Variants in NCALD observed in about 807,000 individuals in gnomAD.
The protein encoded by NCALD is neurocalcin-delta.
Under a neutral mutation model 18.6 loss-of-function variants are expected in NCALD, and 10 were observed. The observed-to-expected ratio is 0.54, with a 90% CI of 0.33 to 0.91. The LOEUF (loss-of-function observed/expected upper bound fraction) is 0.91. Ranked by LOEUF, NCALD falls within the 40% of genes least tolerant of loss-of-function variation. The pLI, the probability that NCALD is intolerant of heterozygous loss-of-function variation, is 0.03. For missense variants in NCALD, 184 were observed against 247.6 expected (o/e 0.74, Z 1.72); for synonymous variants, 88 against 87.4 (o/e 1.01, Z -0.04).
Position 102,106,801 on chromosome 8 carries a change from G to A in NCALD, c.-210+17436C>T, listed in dbSNP as rs185891784. Among the ~76,000 whole-genome samples the A allele has an allele frequency of 1.9e-3, 282 of 152,230 alleles. 1 individual carries two copies. Among genetic ancestry groups the A allele is most frequent in the Admixed American group, 3.5e-3 (54 of 15,296 alleles). Reference sequence around the variant, plus strand: ...TCTGCAAAAAAATGCAGAGGTTGTGGAATTAGGAGAGTTTCTATAGACCAT... The same window carrying A: ...TCTGCAAAAAAATGCAGAGGTTGTGAAATTAGGAGAGTTTCTATAGACCAT... On this transcript the variant is annotated intron_variant, in intron 1 of 6. Transcript: ENST00000311028.
At chr8:101,976,236 C>T (rs1281904437) in intron 2 of NCALD, among the ~76,000 whole-genome samples, 1 of 152,180 alleles carries the variant, frequency 6.6e-6, no homozygotes, top group Admixed American at 6.5e-5. Context: ...CCCTCACTTT[C>T]ACAAGTCACC....
intron 1 of NCALD, among the ~76,000 whole-genome samples, chr8:101,777,020 C>T (rs984358210): frequency 6.6e-6 from 1 of 152,124 alleles, no homozygotes; most frequent in Non-Finnish European, 1.5e-5. Flanking sequence ...ACAATTTCCA[C>T]CAGTCTCCCC....
chr8:101,944,413 G>A (rs535312823), intron 2 of NCALD, among the ~76,000 whole-genome samples: 7 of 152,228 alleles, frequency 4.6e-5, no homozygotes, highest in African/African-American at 7.2e-5. Context: ...CAAGAAAACA[G>A]AGAGATGCTG....
rs578023877 is a variant in NCALD, at chr8:101,748,405, G to T, written c.-19-28757C>A. On this transcript the variant is annotated intron_variant, in intron 1 of 3. Coordinates refer to ENST00000220931, the MANE Select transcript of NCALD (RefSeq NM_032041.3). Reference sequence around the variant, plus strand: ...GTGGTCTAGGGACCCAAGTTTAAGTGGCTTGATTGTCAGCTCGTTCATCAA... The same window carrying T: ...GTGGTCTAGGGACCCAAGTTTAAGTTGCTTGATTGTCAGCTCGTTCATCAA... 6.2e-4 allele frequency among the ~76,000 whole-genome samples: 94 copies of T among 152,278 alleles called. 1 individual carries two copies. The highest frequency in any genetic ancestry group is 1.0e-4 in the Non-Finnish European group (7 of 68,018).
intron 1 of NCALD, among the ~76,000 whole-genome samples, chr8:102,057,562 CTG>C (rs1451486415): frequency 6.6e-6 from 1 of 152,298 alleles, no homozygotes; most frequent in African/African-American, 2.4e-5. Context: ...TGAAAAATAA[CTG>C]TTTCATTTTA....
intron 2 of NCALD, among the ~76,000 whole-genome samples, chr8:101,992,110 G>C (rs1220880044): frequency 6.6e-6 from 1 of 152,210 alleles, no homozygotes; most frequent in Non-Finnish European, 1.5e-5. Context: ...CATGGGAACT[G>C]ACGCCATCTG....
At chr8:101,927,576 T>C (rs1429094528) in intron 2 of NCALD, among the ~76,000 whole-genome samples, 1 of 151,698 alleles carries the variant, frequency 6.6e-6, no homozygotes, top group Non-Finnish European at 1.5e-5. Context: ...GGCCCAGAGA[T>C]GGGAAAGGGT....
chr8:102,108,609 C>T (rs756762131), intron 1 of NCALD, among the ~76,000 whole-genome samples: 1 of 152,252 alleles, frequency 6.6e-6, no homozygotes, highest in East Asian at 1.9e-4. Flanking sequence ...AGTCTAAGGA[C>T]GATAGCAGGA....
chr8:101,911,351 TTTTTC>T (rs1817790894), intron 3 of NCALD, among the ~76,000 whole-genome samples: 1 of 147,470 alleles, frequency 6.8e-6, no homozygotes, highest in Non-Finnish European at 1.5e-5. Context: ...TCTTTTCTTT[TTTTTC>T]TTTTCTTTTT....
At chr8:101,749,369 AC>A (rs1457805374) in intron 1 of NCALD, among the ~76,000 whole-genome samples, 3 of 152,224 alleles carry the variant, frequency 2.0e-5, no homozygotes, top group African/African-American at 7.2e-5. Flanking sequence ...TTCCCATTCT[AC>A]TTTTTGAATA....
At chr8:101,998,464 G>A (rs1291367450) in intron 2 of NCALD, among the ~76,000 whole-genome samples, 4 of 152,116 alleles carry the variant, frequency 2.6e-5, no homozygotes, top group Non-Finnish European at 5.9e-5. Context: ...GTTTGATGAA[G>A]GGTAGCACCA....
chr8:102,021,488 C>T (rs758442707), intron 1 of NCALD, among the ~76,000 whole-genome samples: 1 of 151,766 alleles, frequency 6.6e-6, no homozygotes, highest in Non-Finnish European at 1.5e-5. Context: ...TGTATGATGC[C>T]CATAAAAAAG....
intron 1 of NCALD, among the ~76,000 whole-genome samples, chr8:102,100,568 CAT>C (rs1825241909): frequency 6.6e-6 from 1 of 152,092 alleles, no homozygotes; most frequent in Admixed American, 6.6e-5. Context: ...CGTCAAGAAA[CAT>C]AAATGCTTGA....
intron 1 of NCALD, among the ~76,000 whole-genome samples, chr8:102,097,260 G>C (rs1406939899): frequency 6.6e-6 from 1 of 152,178 alleles, no homozygotes; most frequent in Non-Finnish European, 1.5e-5. Flanking sequence ...AAAAAAAATA[G>C]TGAAAGACAA....
At chr8:101,696,597 C>A (rs1815005295) in intron 2 of NCALD, among the ~76,000 whole-genome samples, 1 of 152,186 alleles carries the variant, frequency 6.6e-6, no homozygotes. Context: ...AGGGAAAGAC[C>A]ACTGAGGCCT....
chr8:101,913,375 T>C (rs1817867848), intron 3 of NCALD, among the ~76,000 whole-genome samples: 1 of 152,258 alleles, frequency 6.6e-6, no homozygotes, highest in Non-Finnish European at 1.5e-5. Context: ...TATACATGTG[T>C]ATACCTTTAT....
rs77462631 is a variant in NCALD, at chr8:102,095,444, C to A, written c.-210+28793G>T. The stretch of plus-strand genomic sequence containing the variant: ...CAAAATGAGGCCATAAAAGGTAAAC[C>A]AACTTGGACCTGTGTTTTGATTTTG... On this transcript the variant is annotated intron_variant, in intron 1 of 6. Coordinates refer to the NCALD transcript ENST00000311028. Among the ~76,000 whole-genome samples the A allele has an allele frequency of 2.7e-3, 408 of 152,222 alleles. 1 individual carries two copies. The highest frequency in any genetic ancestry group is 8.5e-3 in the African/African-American group (352 of 41,504).
At chr8:101,876,077 A>G (rs183151370) in intron 4 of NCALD, among the ~76,000 whole-genome samples, 6 of 152,356 alleles carry the variant, frequency 3.9e-5, no homozygotes, top group Admixed American at 1.3e-4. Context: ...GTCAAGTTAG[A>G]ATACCAGGAT....
chr8:102,056,953 C>A (rs2067432881), intron 1 of NCALD, among the ~76,000 whole-genome samples: 1 of 152,202 alleles, frequency 6.6e-6, no homozygotes, highest in African/African-American at 2.4e-5. Context: ...ACAACCTCTG[C>A]ATTTATTGAG....
Sources: gnomAD v4.1 joint callset for allele counts (sites outside exome capture counted in the v4.1 genomes callset) on GRCh38, gnomAD v4.1.1 for gene constraint, MANE v1.5 for transcripts, NCBI Gene and HGNC (gene_info 2026-07-23, HGNC 2026-07-21) for gene names.